Variants in UNC13A observed in about 807,000 individuals in gnomAD.
The protein encoded by UNC13A is protein unc-13 homolog A.
UNC13A carries 61 observed loss-of-function variants against 219.7 expected under a neutral mutation model. The observed-to-expected ratio is 0.28, with a 90% CI of 0.23 to 0.34. UNC13A has a LOEUF of 0.34. Ranked by LOEUF, UNC13A falls within the 10% of genes least tolerant of loss-of-function variation. The probability of loss-of-function intolerance (pLI) is 1.00; values close to 1 mark genes in which losing one functional copy is unlikely to be tolerated. For missense variants in UNC13A, 1,476 were observed against 2,270.3 expected (o/e 0.65, Z 7.11); for synonymous variants, 920 against 884.6 (o/e 1.04, Z -0.71).
At chr19:17,625,276 G>A (rs1361839094) in intron 34 of UNC13A, among the ~76,000 whole-genome samples, 1 of 152,160 alleles carries the variant, frequency 6.6e-6, no homozygotes, top group Non-Finnish European at 1.5e-5. Flanking sequence ...TGAAAGAACA[G>A]TGTGGGGGAT....
chr19:17,614,023 T>G (rs762183732), intron 41 of UNC13A: 5 of 148,826 alleles, frequency 3.4e-5, no homozygotes, highest in Non-Finnish European at 7.4e-5. Context: ...TTTTTTGTTT[T>G]TGAGATAGAG....
In UNC13A at chr19:17,667,024, C is replaced by A. The variant is rs896632978; in HGVS notation, c.469-320G>T. On this transcript the variant is annotated intron_variant, in intron 6 of 43. Coordinates refer to ENST00000519716, the MANE Select transcript of UNC13A (RefSeq NM_001080421.3). Reference sequence around the variant, plus strand: ...ATCCCAGCACTTTGGGAGGCCGAAGCGGGCAGATCACGAGGTCAAGAGATC... The same window carrying A: ...ATCCCAGCACTTTGGGAGGCCGAAGAGGGCAGATCACGAGGTCAAGAGATC... Among the ~76,000 whole-genome samples, 22 of 152,100 alleles carry A rather than the reference C, an allele frequency of 1.4e-4. No individual in the cohort carries two copies. In the East Asian group the frequency reaches 3.9e-3, roughly 27 times the overall value.
chr19:17,684,913 T>G (rs904058016), intron 1 of UNC13A, among the ~76,000 whole-genome samples: 2 of 152,224 alleles, frequency 1.3e-5, no homozygotes, highest in Non-Finnish European at 2.9e-5. Flanking sequence ...AACACACATA[T>G]TGATGTTTGC....
chr19:17,626,518 A>G (rs1820165571), intron 34 of UNC13A, 115 bp downstream of exon 34: 1 of 1,202,698 alleles, frequency 8.3e-7, no homozygotes. Context: ...CCATCCAACT[A>G]TCCAGTGACC....
chr19:17,611,562 AGAGATG>A (rs2076603850), intron 42 of UNC13A, among the ~76,000 whole-genome samples, 195 bp downstream of exon 42: 1 of 152,234 alleles, frequency 6.6e-6, no homozygotes, highest in South Asian at 2.1e-4. Context: ...AGCAGGGCTG[AGAGATG>A]GAGAAAGTGG....
intron 30 of UNC13A, among the ~76,000 whole-genome samples, chr19:17,629,903 C>T (rs1055529102): frequency 1.4e-4 from 17 of 119,586 alleles, no homozygotes; most frequent in Admixed American, 4.7e-4. Context: ...CAACTCCAAT[C>T]TCAATTTAAA....
chr19:17,655,622 G>A (rs890944917), intron 10 of UNC13A, among the ~76,000 whole-genome samples: 3 of 152,050 alleles, frequency 2.0e-5, no homozygotes, highest in Non-Finnish European at 4.4e-5. Context: ...CAGCCCCTCT[G>A]GCCCCCCATT....
At chr19:17,616,987 AATAC>A (rs1384584846) in intron 41 of UNC13A, among the ~76,000 whole-genome samples, 6 of 152,104 alleles carry the variant, frequency 3.9e-5, no homozygotes, top group East Asian at 1.9e-4. Flanking sequence ...ACCGAAGCAA[AATAC>A]AGAGAGAAAG....
At chr19:17,671,154 G>A (rs537759027) in intron 4 of UNC13A, among the ~76,000 whole-genome samples, 1 of 152,116 alleles carries the variant, frequency 6.6e-6, no homozygotes, top group South Asian at 2.1e-4. Flanking sequence ...GAGGAAGGAG[G>A]GCTAAAGGAT....
chr19:17,675,873 A>T, intron 2 of UNC13A, 139 bp downstream of exon 2: 2 of 1,168,470 alleles, frequency 1.7e-6, no homozygotes, highest in Non-Finnish European at 2.5e-6. Context: ...CCCCCTATTT[A>T]ATCTTCTGAC....
chr19:17,629,900 A>G (rs1308830842), intron 30 of UNC13A, among the ~76,000 whole-genome samples: 1 of 119,294 alleles, frequency 8.4e-6, no homozygotes, highest in Non-Finnish European at 1.9e-5. Context: ...TCTCAACTCC[A>G]ATCTCAATTT....
chr19:17,634,947 T>G (rs1473903692), intron 26 of UNC13A, among the ~76,000 whole-genome samples: 1 of 152,102 alleles, frequency 6.6e-6, no homozygotes, highest in Non-Finnish European at 1.5e-5. Context: ...CTCGGCTCAC[T>G]GCAAGCTCCA....
chr19:17,688,325 C>T lies in UNC13A; in HGVS notation c.-126G>A. On this transcript the variant is annotated 5_prime_UTR_variant, in exon 1 of 44. Coordinates refer to ENST00000519716, the MANE Select transcript of UNC13A (RefSeq NM_001080421.3). ...TTGGCTCACGCCGGGGCCCGGCCGC[C>T]ACCGGCCATCTTGGTTCAGCACCGG... 7.6e-7 allele frequency: 1 copy of T among 1,322,012 alleles called. No individual in the cohort carries two copies. Among genetic ancestry groups the T allele is most frequent in the Non-Finnish European group, 9.7e-7 (1 of 1,036,022 alleles). The allele number at this position is 1,322,012 out of a possible 1,614,324, so 81.9% of individuals were successfully genotyped here.
chr19:17,626,964 C>T (rs1416138586), intron 33 of UNC13A, among the ~76,000 whole-genome samples, 179 bp from the exon 34 acceptor site: 2 of 152,170 alleles, frequency 1.3e-5, no homozygotes, highest in East Asian at 1.9e-4. Flanking sequence ...GAGGCCAAGG[C>T]GGGCGGATCA....
Position 17,656,092 on chromosome 19 carries a change from A to G in UNC13A, c.1074T>C (p.Tyr358=). 4 of 1,552,810 alleles carry G rather than the reference A, an allele frequency of 2.6e-6. No homozygotes were observed. Among genetic ancestry groups the G allele is most frequent in the East Asian group, 4.9e-5 (2 of 41,054 alleles). The change falls in exon 10 of 44, where the codon TAT becomes TAC. Residue 358 remains tyrosine (Y), a synonymous_variant. Transcript: ENST00000519716. ...EEEVPDDLGS[Y]AQREDVAVAE... is the part of the protein sequence containing the mutation. ...CCACAGCTACGTCTTCACGCTGGGC[A>G]TAGCTGCCCAAATCGTCAGGCACCT...
Position 17,641,997 on chromosome 19 carries a change from C to T in UNC13A, c.2473-441G>A, listed in dbSNP as rs187390508. On this transcript the variant is annotated intron_variant, in intron 20 of 43. Transcript: ENST00000519716. ...TCAACCACACATCCTTCCATTCATC[C>T]ACCCACCCATTCATCCATTTGTCCA... Among the ~76,000 whole-genome samples, 395 of 152,072 alleles carry T rather than the reference C, an allele frequency of 2.6e-3. 5 individuals are homozygous for T. The highest frequency in any genetic ancestry group is 8.8e-3 in the African/African-American group (366 of 41,458).
In UNC13A at chr19:17,674,644, G is replaced by A. The variant is rs375702650; in HGVS notation, c.152+13C>T. ...GCCAGGGAGTGAGGTCATGCCAGAC[G>A]CTGCAGACTCACAACATGAAATCCT... On this transcript the variant is annotated intron_variant, in intron 3 of 43. Transcript: ENST00000519716. This position sits in a 1 kb window ranked among gnomAD's most constrained non-coding sequence, Gnocchi z 5.0. 44 of 1,612,226 alleles carry A rather than the reference G, an allele frequency of 2.7e-5. No homozygotes were observed. The highest frequency in any genetic ancestry group is 1.6e-4 in the Middle Eastern group (1 of 6,082).
At chr19:17,611,957 G>T in intron 41 of UNC13A, 102 bp from the exon 42 acceptor site, 1 of 999,216 alleles carries the variant, frequency 1.0e-6, no homozygotes, top group Non-Finnish European at 1.5e-6. Context: ...GCGGCACCAG[G>T]TCATCAGCCC....
intron 6 of UNC13A, 88 bp from the exon 7 acceptor site, chr19:17,666,792 G>A (rs2079656062): frequency 9.7e-7 from 1 of 1,028,596 alleles, no homozygotes; most frequent in Non-Finnish European, 1.3e-6. Flanking sequence ...GTCCCATCCC[G>A]ACTTCCCTCT....
Sources: gnomAD v4.1 joint callset for allele counts (sites outside exome capture counted in the v4.1 genomes callset) on GRCh38, gnomAD v4.1.1 for gene constraint, Gnocchi (gnomAD v3.1) non-coding constraint, MANE v1.5 for transcripts, NCBI Gene and HGNC (gene_info 2026-07-23, HGNC 2026-07-21) for gene names.